Variants in SOX6 observed in about 807,000 individuals in gnomAD.
SOX6 encodes SRY-box transcription factor 6, also known as transcription factor SOX-6.
In SOX6, 11 loss-of-function variants were observed where a neutral mutation model predicts 97.8. The ratio of observed to expected loss-of-function variants is 0.11; its 90% CI spans 0.07 to 0.19. The LOEUF (loss-of-function observed/expected upper bound fraction) is 0.19, where lower values mean the gene tolerates loss of function less well. Among genes scored for constraint, SOX6 ranks in the 10% least tolerant of loss-of-function variants. The pLI is 1.00. For synonymous variants in SOX6, 360 were observed against 371.4 expected, an observed-to-expected ratio of 0.97 and a Z score of 0.35; for missense variants, 810 against 1,039.5, an observed-to-expected ratio of 0.78 and a Z score of 3.04.
chr11:16,524,153 A>C (rs986017677), intron 4 of SOX6, among the ~76,000 whole-genome samples: 1 of 152,210 alleles, frequency 6.6e-6, no homozygotes, highest in African/African-American at 2.4e-5. Context: ...CCTGATACCA[A>C]AGTCGGGCAG....
chr11:16,519,735 G>T (rs1172359764), intron 4 of SOX6, among the ~76,000 whole-genome samples: 1 of 152,102 alleles, frequency 6.6e-6, no homozygotes, highest in Non-Finnish European at 1.5e-5. Flanking sequence ...AGATTGCTGG[G>T]TCAGATAACG....
Position 16,270,350 on chromosome 11 carries a change from G to A in SOX6, c.446-35679C>T, listed in dbSNP as rs558774576. 4.6e-5 allele frequency among the ~76,000 whole-genome samples: 7 copies of A among 151,464 alleles called. 1 individual carries two copies. Among genetic ancestry groups the A allele is most frequent in the East Asian group, 3.9e-4 (2 of 5,172 alleles). ...AAAAAAGAAAATAAAAATGACAAAT[G>A]TTTGTTAAGGATGTGGAAAAATTGG... On this transcript the variant is annotated intron_variant, in intron 3 of 15. Coordinates refer to ENST00000683767, the MANE Select transcript of SOX6 (RefSeq NM_001367873.1).
intron 1 of SOX6, among the ~76,000 whole-genome samples, chr11:16,375,494 T>C (rs1857619019): frequency 6.6e-6 from 1 of 150,844 alleles, no homozygotes; most frequent in Admixed American, 6.6e-5. Flanking sequence ...CTAAGTGTTG[T>C]ACAGAAAAGA....
At position 16,643,018 on chromosome 11, in the gene SOX6, C is replaced by T. The variant is rs370086644; in HGVS notation, n.430-30758G>A. ...ATTTTTAGAAGTTTCAGTTTTTCTG[C>T]TCTGTTTTTTCCCCATCGTTGTGGT... On this transcript the variant is annotated intron_variant and non_coding_transcript_variant, in intron 3 of 5. Coordinates refer to the SOX6 transcript ENST00000524520. Among the ~76,000 whole-genome samples, 10 of 152,288 alleles carry T rather than the reference C, an allele frequency of 6.6e-5. No homozygotes were observed. The East Asian group carries it at 1.7e-3, about 26-fold the overall frequency.
chr11:16,004,736 C>A (rs1195948075), intron 13 of SOX6, among the ~76,000 whole-genome samples: 1 of 152,024 alleles, frequency 6.6e-6, no homozygotes, highest in African/African-American at 2.4e-5. Context: ...GCTAATCCAA[C>A]AAAGGCAACC....
chr11:15,998,929 T>C (rs1854315450), intron 13 of SOX6, among the ~76,000 whole-genome samples: 1 of 152,090 alleles, frequency 6.6e-6, no homozygotes, highest in African/African-American at 2.4e-5. Context: ...AACTGAACTT[T>C]ATAAAAATTA....
intron 1 of SOX6, among the ~76,000 whole-genome samples, chr11:16,381,560 T>A (rs1237588246): frequency 2.6e-5 from 4 of 152,178 alleles, no homozygotes; most frequent in African/African-American, 9.6e-5. Context: ...AAGTCACATA[T>A]ATTTTCTTCC....
intron 13 of SOX6, among the ~76,000 whole-genome samples, chr11:15,997,786 TC>T (rs1759707738): frequency 6.6e-6 from 1 of 152,184 alleles, no homozygotes; most frequent in Admixed American, 6.5e-5. Context: ...AGATGTCCAC[TC>T]TCACCATTGT....
intron 2 of SOX6, among the ~76,000 whole-genome samples, chr11:16,716,720 T>C (rs1848222182): frequency 6.6e-6 from 1 of 152,108 alleles, no homozygotes; most frequent in Non-Finnish European, 1.5e-5. Flanking sequence ...TACAATGGCA[T>C]ACTATATAGA....
chr11:16,095,803 C>T (rs1399236371), intron 9 of SOX6, among the ~76,000 whole-genome samples, 193 bp downstream of exon 9: 2 of 150,722 alleles, frequency 1.3e-5, no homozygotes, highest in African/African-American at 2.4e-5. Flanking sequence ...AGGGGCATTG[C>T]TTTGGGATTT....
intron 3 of SOX6, among the ~76,000 whole-genome samples, chr11:16,257,212 T>C (rs1164616440): frequency 6.6e-6 from 1 of 151,868 alleles, no homozygotes; most frequent in Non-Finnish European, 1.5e-5. Context: ...AAACTGATTC[T>C]AAAGTTTCTA....
chr11:16,454,194 T>C (rs1298674191), intron 1 of SOX6, among the ~76,000 whole-genome samples: 5 of 152,138 alleles, frequency 3.3e-5, no homozygotes, highest in Non-Finnish European at 7.4e-5. Context: ...GATTATTTTT[T>C]AGCTCTCCAA....
At chr11:16,013,216 C>A (rs993708147) in intron 13 of SOX6, among the ~76,000 whole-genome samples, 5 of 151,974 alleles carry the variant, frequency 3.3e-5, no homozygotes, top group Admixed American at 3.3e-4. Flanking sequence ...TCTGTAACTA[C>A]CAGTCTGTTG....
chr11:16,071,011 G>T (rs2133942248), intron 9 of SOX6, among the ~76,000 whole-genome samples: 1 of 152,364 alleles, frequency 6.6e-6, no homozygotes, highest in South Asian at 2.1e-4. Context: ...AGAGCAGTAA[G>T]ATTGCTTCAC....
chr11:16,540,316 T>C (rs1861384911), intron 4 of SOX6, among the ~76,000 whole-genome samples: 1 of 152,130 alleles, frequency 6.6e-6, no homozygotes. Flanking sequence ...TGATGGGACA[T>C]ATTTCAAAAT....
At chr11:16,609,461 G>A (rs899506160) in intron 4 of SOX6, among the ~76,000 whole-genome samples, 3 of 152,332 alleles carry the variant, frequency 2.0e-5, no homozygotes, top group African/African-American at 7.2e-5. Flanking sequence ...AGGACATATG[G>A]ACCAAAAGAG....
At chr11:16,049,706 C>A (rs1407504386) in intron 11 of SOX6, 49 bp downstream of exon 11, 2 of 1,609,150 alleles carry the variant, frequency 1.2e-6, no homozygotes, top group East Asian at 4.5e-5. Flanking sequence ...GGTTTGCTTT[C>A]TTTTACCTAA....
intron 9 of SOX6, among the ~76,000 whole-genome samples, chr11:16,067,768 T>C (rs1848127969): frequency 1.3e-5 from 2 of 152,160 alleles, no homozygotes; most frequent in African/African-American, 4.8e-5. Context: ...ATCCAAACAT[T>C]TCATGTATCT....
At chr11:15,977,896 A>G (rs1168123973) in intron 15 of SOX6, among the ~76,000 whole-genome samples, 1 of 151,872 alleles carries the variant, frequency 6.6e-6, no homozygotes, top group Non-Finnish European at 1.5e-5. Context: ...TTTCATGGAG[A>G]AATTAGAAGC....
Sources: gnomAD v4.1 joint callset for allele counts (sites outside exome capture counted in the v4.1 genomes callset) on GRCh38, gnomAD v4.1.1 for gene constraint, MANE v1.5 for transcripts, NCBI Gene and HGNC (gene_info 2026-07-23, HGNC 2026-07-21) for gene names.